PCDH15: variants seen among roughly 807,000 people sequenced by gnomAD.
The protein encoded by PCDH15 is protocadherin-15.
Under a neutral mutation model 178.5 loss-of-function variants are expected in PCDH15, and 129 were observed. The ratio of observed to expected loss-of-function variants is 0.72; its 90% confidence interval spans 0.63 to 0.84. The LOEUF is 0.84. Ranked by LOEUF, PCDH15 falls within the 40% of genes least tolerant of loss-of-function variation. PCDH15 has a pLI of 0.00. For missense variants in PCDH15, 2,230 were observed against 2,099.9 expected (o/e 1.06, Z -1.21); for synonymous variants, 800 against 732.0 (o/e 1.09, Z -1.50).
At chr10:53,890,781 TAAA>T (rs940948454) in intron 26 of PCDH15, among the ~76,000 whole-genome samples, 5 of 152,046 alleles carry the variant, frequency 3.3e-5, no homozygotes, top group Non-Finnish European at 7.4e-5. Flanking sequence ...AAAGGAAAAA[TAAA>T]AAAATTTTAA....
chr10:55,458,565 G>T (rs187716760), intron 2 of PCDH15, among the ~76,000 whole-genome samples: 111 of 152,084 alleles, frequency 7.3e-4, no homozygotes, highest in African/African-American at 2.5e-3. Flanking sequence ...GTTCTCATTA[G>T]TGGCAAATAA....
At chr10:55,531,939 C>G (rs1466528729) in intron 2 of PCDH15, among the ~76,000 whole-genome samples, 1 of 151,832 alleles carries the variant, frequency 6.6e-6, no homozygotes, top group Non-Finnish European at 1.5e-5. Context: ...GCAGAAGTAG[C>G]AGAAAAACTA....
At chr10:54,002,147 T>C (rs28797630) in intron 20 of PCDH15, among the ~76,000 whole-genome samples, 42 of 151,250 alleles carry the variant, frequency 2.8e-4, no homozygotes, top group African/African-American at 9.9e-4. Flanking sequence ...TATATACACA[T>C]ACACACACAC....
chr10:55,263,521 C>A (rs979085658), intron 1 of PCDH15, among the ~76,000 whole-genome samples: 1 of 152,010 alleles, frequency 6.6e-6, no homozygotes, highest in East Asian at 1.9e-4. Flanking sequence ...TCGCACCCAG[C>A]AGCCACGAGG....
intron 2 of PCDH15, among the ~76,000 whole-genome samples, chr10:55,409,113 T>A (rs1159673808): frequency 6.6e-6 from 1 of 150,420 alleles, no homozygotes; most frequent in Non-Finnish European, 1.5e-5. Context: ...GTTCAATAGA[T>A]CAGTGACTCC....
At chr10:54,876,031 C>T (rs1003369278) in intron 3 of PCDH15, among the ~76,000 whole-genome samples, 3 of 152,096 alleles carry the variant, frequency 2.0e-5, no homozygotes, top group South Asian at 4.1e-4. Flanking sequence ...AAAAAATAGG[C>T]TAACTCCCTT....
intron 3 of PCDH15, among the ~76,000 whole-genome samples, chr10:54,414,165 G>A (rs1953976389): frequency 6.6e-6 from 1 of 152,078 alleles, no homozygotes; most frequent in Non-Finnish European, 1.5e-5. Flanking sequence ...TGTACTCATA[G>A]GAGATATAAG....
At chr10:54,403,996 C>T (rs1952281134) in intron 3 of PCDH15, among the ~76,000 whole-genome samples, 1 of 151,864 alleles carries the variant, frequency 6.6e-6, no homozygotes, top group South Asian at 2.1e-4. Context: ...ACATTCCATG[C>T]TAGTGAATAG....
In PCDH15 at chr10:55,303,820, G is replaced by C. The variant is rs971933831; in HGVS notation, c.-156+15779C>G. Reference sequence around the variant, plus strand: ...TCTGTTTTTGTCAGACTGTCTAAAGGCTTATTTTATTGATTTTTCAAAGAA... The same window carrying C: ...TCTGTTTTTGTCAGACTGTCTAAAGCCTTATTTTATTGATTTTTCAAAGAA... On this transcript the variant is annotated intron_variant, in intron 1 of 5. Transcript: ENST00000458638. 6.6e-5 allele frequency among the ~76,000 whole-genome samples: 10 copies of C among 151,996 alleles called. No homozygotes were observed. The South Asian group carries it at 1.0e-3, about 16-fold the overall frequency.
intron 2 of PCDH15, among the ~76,000 whole-genome samples, chr10:54,949,897 G>A (rs541424537): frequency 1.8e-4 from 27 of 152,014 alleles, no homozygotes; most frequent in Admixed American, 1.4e-3. Context: ...CTCAGTCTAG[G>A]CTTCATTGTC....
Position 53,803,306 on chromosome 10 carries a change from G to A in PCDH15, c.*3273C>T, listed in dbSNP as rs574004283. On this transcript the variant is annotated 3_prime_UTR_variant, in exon 38 of 38. Transcript: ENST00000644397. The stretch of plus-strand genomic sequence containing the variant: ...CCCACTTAAGGTATAAAGTGCAGAA[G>A]GTGAAGCAGAGAAAGAGAAAAATCA... 2.6e-5 allele frequency: 4 copies of A among 151,798 alleles called. No individual in the cohort carries two copies. Among genetic ancestry groups the A allele is most frequent in the African/African-American group, 4.8e-5 (2 of 41,392 alleles). 9.4% of individuals were successfully genotyped at this position (151,798 alleles called of 1,614,324 possible).
At chr10:54,206,121 A>G (rs1039078050) in intron 10 of PCDH15, among the ~76,000 whole-genome samples, 2 of 152,246 alleles carry the variant, frequency 1.3e-5, no homozygotes, top group Admixed American at 6.6e-5. Context: ...GAATATGCCC[A>G]TTCTGTTTAT....
intron 2 of PCDH15, among the ~76,000 whole-genome samples, chr10:55,385,145 A>G (rs1900488): frequency 6.6e-6 from 1 of 152,178 alleles, no homozygotes; most frequent in Non-Finnish European, 1.5e-5. Context: ...TTCCATATAC[A>G]TAAATAAAGA....
chr10:54,074,589 T>C (rs979388473), intron 17 of PCDH15, among the ~76,000 whole-genome samples: 9 of 152,232 alleles, frequency 5.9e-5, no homozygotes, highest in African/African-American at 2.2e-4. Flanking sequence ...TATATATTAC[T>C]CTACATAAAC....
chr10:54,308,643 A>T (rs1273362691), intron 8 of PCDH15, among the ~76,000 whole-genome samples: 2 of 152,042 alleles, frequency 1.3e-5, no homozygotes, highest in Non-Finnish European at 2.9e-5. Context: ...ATGACTTTTT[A>T]AAAAATTTAC....
chr10:54,596,685 A>G (rs2092258366), intron 2 of PCDH15, among the ~76,000 whole-genome samples: 1 of 152,190 alleles, frequency 6.6e-6, no homozygotes, highest in South Asian at 2.1e-4. Context: ...ACACAATTGT[A>G]TGCTGTCTGC....
At chr10:55,427,159 C>T (rs1190293947) in intron 2 of PCDH15, among the ~76,000 whole-genome samples, 3 of 152,170 alleles carry the variant, frequency 2.0e-5, no homozygotes, top group African/African-American at 7.2e-5. Context: ...TCACTACAAT[C>T]AAGCTCAGCT....
intron 1 of PCDH15, among the ~76,000 whole-genome samples, chr10:54,747,175 CA>C (rs1240169547): frequency 6.6e-6 from 1 of 152,160 alleles, no homozygotes; most frequent in Non-Finnish European, 1.5e-5. Context: ...ATTGTTTTTA[CA>C]AACTGTTTAG....
rs192798154 is a variant in PCDH15, at chr10:55,274,864, G to A, written c.-156+44735C>T. 1.8e-3 allele frequency among the ~76,000 whole-genome samples: 269 copies of A among 152,070 alleles called. 4 individuals are homozygous for A. The highest frequency in any genetic ancestry group is 6.3e-3 in the African/African-American group (261 of 41,414). ...ATGTGCAGTTCAAAATAGGGTCCCC[G>A]CTCTTAGGACAATCTAAAACCACCA... On this transcript the variant is annotated intron_variant, in intron 1 of 5. Transcript: ENST00000458638.
Sources: gnomAD v4.1 joint callset for allele counts (sites outside exome capture counted in the v4.1 genomes callset) on GRCh38, gnomAD v4.1.1 for gene constraint, MANE v1.5 for transcripts, NCBI Gene and HGNC (gene_info 2026-07-23, HGNC 2026-07-21) for gene names.